NKAIN3: variants seen among roughly 807,000 people sequenced by gnomAD.
The protein encoded by NKAIN3 is sodium/potassium-transporting ATPase subunit beta-1-interacting protein 3.
Under a neutral mutation model 30.2 loss-of-function variants are expected in NKAIN3, and 25 were observed. The ratio of observed to expected loss-of-function variants is 0.83; its 90% CI spans 0.60 to 1.16. The LOEUF (loss-of-function observed/expected upper bound fraction) is 1.16. Among genes scored for constraint, NKAIN3 ranks in the 50% most tolerant of loss-of-function variants. NKAIN3 has a pLI of 0.00. For synonymous variants in NKAIN3, 91 were observed against 89.6 expected (o/e 1.02, Z -0.09); for missense variants, 225 against 254.1 (o/e 0.89, Z 0.78).
At chr8:62,735,872 G>A (rs1206189026) in intron 3 of NKAIN3, among the ~76,000 whole-genome samples, 1 of 151,986 alleles carries the variant, frequency 6.6e-6, no homozygotes, top group African/African-American at 2.4e-5. Flanking sequence ...CTAGGAATGG[G>A]ACTTCCTGAG....
At chr8:62,965,281 C>A (rs1823678212) in intron 6 of NKAIN3, 73 bp from the exon 7 acceptor site, 2 of 985,466 alleles carry the variant, frequency 2.0e-6, no homozygotes, top group Non-Finnish European at 2.4e-6. Context: ...TTTCAAAAGG[C>A]CTCAATGAAT....
chr8:62,853,826 G>A lies in NKAIN3; in HGVS notation c.472-64627G>A, dbSNP rs185591815. On this transcript the variant is annotated intron_variant, in intron 4 of 6. Transcript: ENST00000623646. The stretch of plus-strand genomic sequence containing the variant: ...CTCGAGATCTTTCTAGCTTTTTGAT[G>A]TGGGTATTTAGTGCTGTAGATTTCT... Among the ~76,000 whole-genome samples the A allele has an allele frequency of 2.3e-3, 347 of 152,236 alleles. 2 individuals are homozygous for A. Among genetic ancestry groups the A allele is most frequent in the Non-Finnish European group, 3.1e-3 (210 of 67,994 alleles).
At chr8:62,812,774 T>C (rs1353738153) in intron 4 of NKAIN3, among the ~76,000 whole-genome samples, 4 of 151,928 alleles carry the variant, frequency 2.6e-5, no homozygotes, top group Admixed American at 1.3e-4. Flanking sequence ...TCAATGCTAT[T>C]TTCCTCCCTG....
chr8:62,551,640 G>A (rs866527922), intron 1 of NKAIN3, among the ~76,000 whole-genome samples: 41 of 152,178 alleles, frequency 2.7e-4, no homozygotes, highest in African/African-American at 8.2e-4. Flanking sequence ...TTTTGAGACC[G>A]TTGGAAAATG....
At chr8:62,960,650 T>G (rs567437404) in intron 6 of NKAIN3, among the ~76,000 whole-genome samples, 1 of 150,542 alleles carries the variant, frequency 6.6e-6, no homozygotes, top group Non-Finnish European at 1.5e-5. Flanking sequence ...AATATTGACA[T>G]CAAAAAAATT....
At chr8:62,471,028 T>C (rs950366541) in intron 1 of NKAIN3, among the ~76,000 whole-genome samples, 2 of 152,222 alleles carry the variant, frequency 1.3e-5, no homozygotes, top group Non-Finnish European at 2.9e-5. Context: ...AAAAATTCTG[T>C]ACATATTTCC....
intron 5 of NKAIN3, among the ~76,000 whole-genome samples, chr8:62,946,437 A>T (rs1823127511): frequency 6.6e-6 from 1 of 152,160 alleles, no homozygotes; most frequent in Non-Finnish European, 1.5e-5. Context: ...GATCAGTGAC[A>T]CTGCAGAGTA....
intron 4 of NKAIN3, among the ~76,000 whole-genome samples, chr8:62,811,386 A>T (rs112758870): frequency 6.6e-6 from 1 of 152,068 alleles, no homozygotes; most frequent in East Asian, 1.9e-4. Context: ...ATAAATGCTT[A>T]AAAGTGTAAT....
At chr8:62,526,795 A>G (rs1808316377) in intron 1 of NKAIN3, among the ~76,000 whole-genome samples, 1 of 152,166 alleles carries the variant, frequency 6.6e-6, no homozygotes, top group Non-Finnish European at 1.5e-5. Flanking sequence ...TCCCCTGATC[A>G]TCTCTCCACT....
At chr8:62,316,238 C>T (rs866961045) in intron 1 of NKAIN3, among the ~76,000 whole-genome samples, 3 of 152,006 alleles carry the variant, frequency 2.0e-5, no homozygotes, top group African/African-American at 7.2e-5. Context: ...AGCATGAAAA[C>T]GGACTAATAC....
At chr8:62,627,049 C>A (rs1185937791) in intron 3 of NKAIN3, among the ~76,000 whole-genome samples, 2 of 152,152 alleles carry the variant, frequency 1.3e-5, no homozygotes, top group African/African-American at 2.4e-5. Context: ...TTATCTTCCT[C>A]AAGAAAAGCC....
intron 1 of NKAIN3, among the ~76,000 whole-genome samples, chr8:62,369,853 T>C (rs1355860886): frequency 6.6e-6 from 1 of 151,940 alleles, no homozygotes; most frequent in African/African-American, 2.4e-5. Context: ...CTGCCTACTT[T>C]GAATCTGCTG....
intron 1 of NKAIN3, among the ~76,000 whole-genome samples, chr8:62,342,270 A>G (rs1414626238): frequency 2.0e-5 from 3 of 151,366 alleles, no homozygotes; most frequent in African/African-American, 7.3e-5. Flanking sequence ...AATAAAATAA[A>G]AGGAAAAGAA....
chr8:62,297,824 T>C (rs183515576), intron 1 of NKAIN3, among the ~76,000 whole-genome samples: 9,451 of 152,206 alleles, frequency 0.062, 978 homozygotes, highest in African/African-American at 0.21. Flanking sequence ...CATTACTGGG[T>C]ATATACCCAA....
At chr8:62,658,176 G>T (rs1042044609) in intron 3 of NKAIN3, among the ~76,000 whole-genome samples, 1 of 152,154 alleles carries the variant, frequency 6.6e-6, no homozygotes, top group Admixed American at 6.5e-5. Flanking sequence ...ATGAAATCAT[G>T]CTATGAAGAC....
chr8:62,973,857 G>T lies in NKAIN3; in HGVS notation c.*8450G>T, dbSNP rs953372640. Among the ~76,000 whole-genome samples, 3 of 152,132 alleles carry T rather than the reference G, an allele frequency of 2.0e-5. No homozygotes were observed. The highest frequency in any genetic ancestry group is 4.8e-5 in the African/African-American group (2 of 41,420). ...AATTTTTGTACAAGATGTAAGGAAG[G>T]GGTCCAGTTTCAGTTTTCTGCGTAT... is the stretch of plus-strand genomic sequence containing the variant. On this transcript the variant is annotated 3_prime_UTR_variant, in exon 7 of 7. Coordinates refer to ENST00000623646, the MANE Select transcript of NKAIN3 (RefSeq NM_001304533.3).
At chr8:62,946,089 C>T (rs1823117372) in intron 5 of NKAIN3, among the ~76,000 whole-genome samples, 1 of 152,228 alleles carries the variant, frequency 6.6e-6, no homozygotes, top group Non-Finnish European at 1.5e-5. Context: ...TTCAATTTCA[C>T]ATGCCTTCTG....
chr8:62,902,841 T>C (rs1236876628), intron 4 of NKAIN3, among the ~76,000 whole-genome samples: 1 of 152,248 alleles, frequency 6.6e-6, no homozygotes, highest in African/African-American at 2.4e-5. Flanking sequence ...AATGATCTAC[T>C]TAAATAGGCC....
intron 3 of NKAIN3, among the ~76,000 whole-genome samples, chr8:62,640,535 C>G (rs1186228089): frequency 2.6e-5 from 4 of 152,076 alleles, no homozygotes; most frequent in Non-Finnish European, 5.9e-5. Context: ...AATACAGTAT[C>G]TCATAAAGAT....
Sources: gnomAD v4.1 joint callset for allele counts (sites outside exome capture counted in the v4.1 genomes callset) on GRCh38, gnomAD v4.1.1 for gene constraint, MANE v1.5 for transcripts, NCBI Gene and HGNC (gene_info 2026-07-23, HGNC 2026-07-21) for gene names.